PHTF1: variants seen among roughly 807,000 people sequenced by gnomAD.
PHTF1 encodes the protein protein PHTF1.
In PHTF1, 88 loss-of-function variants were observed where a neutral mutation model predicts 102.4. The observed-to-expected ratio is 0.86, with a 90% CI of 0.72 to 1.03. PHTF1 has a LOEUF of 1.03. Ranked by LOEUF, PHTF1 falls within the 50% of genes least tolerant of loss-of-function variation. The probability of loss-of-function intolerance (pLI) is 0.00; values close to 1 mark genes in which losing one functional copy is unlikely to be tolerated. For synonymous variants in PHTF1, 289 were observed against 305.2 expected, an observed-to-expected ratio of 0.95 and a Z score of 0.55; for missense variants, 814 against 909.5, an observed-to-expected ratio of 0.89 and a Z score of 1.35.
In PHTF1 at chr1:113,704,127, G is replaced by A. The variant is rs868663114; in HGVS notation, c.1844C>T (p.Ser615Leu). Reference protein sequence around the residue: ...PQRSVDVVVSSVFLLTLSIAF... With the variant: ...PQRSVDVVVSLVFLLTLSIAF... Reference sequence around the variant, plus strand: ...AATCGAAAGTGTCAGTAGGAAAACCGAGGATACAACCACATCAACTGAACG... The same window carrying A: ...AATCGAAAGTGTCAGTAGGAAAACCAAGGATACAACCACATCAACTGAACG... Residue 615 changes from serine to leucine, a missense_variant, in exon 15 of 19, where the codon TCG (serine) becomes TTG (leucine). Ser to Leu is a moderately radical substitution (Grantham distance 145). Transcript: ENST00000369604. 1.9e-6 allele frequency: 3 copies of A among 1,613,482 alleles called. No homozygotes were observed. The highest frequency in any genetic ancestry group is 1.7e-6 in the Non-Finnish European group (2 of 1,179,614).
chr1:113,759,036 C>A lies in PHTF1; in HGVS notation c.-44G>T. On this transcript the variant is annotated 5_prime_UTR_variant, in exon 1 of 19. Coordinates refer to ENST00000369604, the MANE Select transcript of PHTF1 (RefSeq NM_001323043.2). ...TCCGGCTCTCACCTAGTGCCCGTTG[C>A]CCCGCGGGCCGGCGCCCGGGACCTC... The A allele has an allele frequency of 9.8e-7, 1 of 1,021,452 alleles. No individual in the cohort carries two copies. The highest frequency in any genetic ancestry group is 1.2e-6 in the Non-Finnish European group (1 of 854,158). The allele number at this position is 1,021,452 out of a possible 1,614,324, so 63.3% of individuals were successfully genotyped here. A position where few individuals can be genotyped will look rare whatever the true frequency, so the allele number is the denominator to read the frequency against.
chr1:113,737,910 GGAGA>G (rs1655757282), intron 5 of PHTF1, among the ~76,000 whole-genome samples, 196 bp downstream of exon 5: 1 of 152,218 alleles, frequency 6.6e-6, no homozygotes, highest in African/African-American at 2.4e-5. Context: ...ACTCAAGTGA[GGAGA>G]AAGAGTTACA....
At chr1:113,756,522 G>A (rs1329099938) in intron 3 of PHTF1, among the ~76,000 whole-genome samples, 3 of 152,150 alleles carry the variant, frequency 2.0e-5, no homozygotes, top group African/African-American at 7.2e-5. Flanking sequence ...AGGAAGTGAG[G>A]CCCTGAATCC....
chr1:113,746,889 C>T, intron 3 of PHTF1: 3 of 818,900 alleles, frequency 3.7e-6, no homozygotes, highest in Non-Finnish European at 4.4e-6. Context: ...TATTTCTTCT[C>T]TTTACTTCTA....
intron 11 of PHTF1, among the ~76,000 whole-genome samples, chr1:113,708,097 T>C (rs1295139279): frequency 6.6e-6 from 1 of 151,904 alleles, no homozygotes; most frequent in Non-Finnish European, 1.5e-5. Flanking sequence ...AAGCAAGCAA[T>C]CCAGAAAGAA....
chr1:113,755,585 A>G (rs910379439), intron 3 of PHTF1, among the ~76,000 whole-genome samples: 2 of 152,200 alleles, frequency 1.3e-5, no homozygotes, highest in African/African-American at 4.8e-5. Flanking sequence ...TGCATGATGG[A>G]TAGGGTTCAA....
rs1231695991 is a variant in PHTF1 at position 113,697,156 on chromosome 1, T to C, written c.*549A>G. On this transcript the variant is annotated 3_prime_UTR_variant, in exon 19 of 19. Coordinates refer to ENST00000369604, the MANE Select transcript of PHTF1 (RefSeq NM_001323043.2). ...CACAGTTTAACAGAAACTCACAGTT[T>C]AAAAGTTAATTTTCTTCCTTCAACA... 2 of 152,438 alleles carry C rather than the reference T, an allele frequency of 1.3e-5. No homozygotes were observed. Among genetic ancestry groups the C allele is most frequent in the Non-Finnish European group, 2.9e-5 (2 of 68,104 alleles). The allele number at this position is 152,438 out of a possible 1,614,324, so 9.4% of individuals were successfully genotyped here. A position where few individuals can be genotyped will look rare whatever the true frequency, so the allele number is the denominator to read the frequency against.
At chr1:113,716,004 G>A (rs1330580030) in intron 7 of PHTF1, among the ~76,000 whole-genome samples, 9 of 152,078 alleles carry the variant, frequency 5.9e-5, no homozygotes, top group Non-Finnish European at 1.2e-4. Context: ...AAGAGTTACT[G>A]ACCTTAAAGA....
intron 3 of PHTF1, among the ~76,000 whole-genome samples, chr1:113,742,838 ACT>A (rs1254723765): frequency 6.6e-6 from 1 of 151,980 alleles, no homozygotes; most frequent in Non-Finnish European, 1.5e-5. Context: ...TACAATAATA[ACT>A]TTTTTTTCTC....
chr1:113,745,310 A>T (rs2101651469), intron 3 of PHTF1, among the ~76,000 whole-genome samples: 1 of 152,288 alleles, frequency 6.6e-6, no homozygotes, highest in South Asian at 2.1e-4. Context: ...TTTGTGTTAA[A>T]ACAGAAACCA....
chr1:113,709,194 C>T (rs377701198), intron 11 of PHTF1, among the ~76,000 whole-genome samples: 33 of 152,242 alleles, frequency 2.2e-4, no homozygotes, highest in African/African-American at 7.9e-4. Context: ...CATGATTGCA[C>T]CACTGCACTC....
At chr1:113,707,188 G>T (rs2101125909) in intron 11 of PHTF1, among the ~76,000 whole-genome samples, 1 of 152,230 alleles carries the variant, frequency 6.6e-6, no homozygotes, top group Admixed American at 6.5e-5. Context: ...AGATTACACT[G>T]GGAGTAATAG....
intron 2 of PHTF1, 119 bp downstream of exon 2, chr1:113,758,540 T>G: frequency 2.2e-6 from 1 of 455,646 alleles, no homozygotes; most frequent in Non-Finnish European, 3.8e-6. Flanking sequence ...TCATTTATGT[T>G]GAAGTATACA....
intron 5 of PHTF1, among the ~76,000 whole-genome samples, chr1:113,729,134 T>A (rs1654261951): frequency 6.6e-6 from 1 of 152,186 alleles, no homozygotes; most frequent in African/African-American, 2.4e-5. Context: ...TGGATGGAAC[T>A]AGAGGACATT....
At chr1:113,717,214 A>G (rs1018183301) in intron 7 of PHTF1, among the ~76,000 whole-genome samples, 1 of 152,162 alleles carries the variant, frequency 6.6e-6, no homozygotes, top group Non-Finnish European at 1.5e-5. Context: ...AATTAAAAAA[A>G]TAATAAAAGA....
At position 113,748,516 on chromosome 1, in the gene PHTF1, T is replaced by G. The variant is rs765063141; in HGVS notation, c.102+9183A>C. ...TTTATCTTCTAACTTTTCCACTGAA[T>G]TTATTTTAATTTTTATTTATTTATG... is the stretch of plus-strand genomic sequence containing the variant. On this transcript the variant is annotated intron_variant, in intron 3 of 18. Transcript: ENST00000369604. Among the ~76,000 whole-genome samples the G allele has an allele frequency of 4.1e-4, 62 of 152,178 alleles. 1 individual carries two copies. Among genetic ancestry groups the G allele is most frequent in the Middle Eastern group, 3.4e-3 (1 of 294 alleles).
intron 13 of PHTF1, chr1:113,705,648 G>A (rs921139376): frequency 8.4e-5 from 34 of 405,178 alleles, no homozygotes; most frequent in African/African-American, 6.8e-4. Flanking sequence ...AGTCGGCTAG[G>A]CTCACTCACT....
At chr1:113,697,814 C>A in intron 18 of PHTF1, 89 bp from the exon 19 acceptor site, 1 of 856,336 alleles carries the variant, frequency 1.2e-6, no homozygotes, top group East Asian at 2.5e-5. Flanking sequence ...AACTAAGAAT[C>A]CTTTATAAAA....
intron 3 of PHTF1, among the ~76,000 whole-genome samples, chr1:113,751,234 G>A (rs1571253055): frequency 6.6e-6 from 1 of 151,866 alleles, no homozygotes; most frequent in East Asian, 1.9e-4. Flanking sequence ...GCTTTATTGA[G>A]GTATAATTTA....
Sources: allele counts gnomAD v4.1 joint callset (sites outside exome capture counted in the v4.1 genomes callset), GRCh38; gene constraint gnomAD v4.1.1; transcripts MANE v1.5; gene names NCBI Gene and HGNC (gene_info 2026-07-23, HGNC 2026-07-21).